Variants in EML4 observed in about 807,000 individuals in gnomAD.
EML4 encodes the protein EMAP like 4.
A neutral mutation model predicts 129.0 loss-of-function variants in EML4; 72 were observed. That is an observed-to-expected ratio of 0.56 (90% CI 0.46 to 0.68). The LOEUF is 0.68. EML4 is among the 30% of genes least tolerant of loss of function. The pLI is 0.00. For synonymous variants in EML4, 532 were observed against 405.0 expected (o/e 1.31, Z -3.77); for missense variants, 1,363 against 1,190.6 (o/e 1.14, Z -2.13).
At chr2:42,184,317 T>G (rs957045606) in intron 1 of EML4, among the ~76,000 whole-genome samples, 8 of 152,032 alleles carry the variant, frequency 5.3e-5, no homozygotes, top group Non-Finnish European at 1.0e-4. Context: ...ATGTGCCATG[T>G]TGGTGTGCTG....
chr2:42,241,396 T>G (rs1478202581), intron 1 of EML4, among the ~76,000 whole-genome samples: 1 of 152,158 alleles, frequency 6.6e-6, no homozygotes, highest in African/African-American at 2.4e-5. Context: ...ATCATCCAAG[T>G]CAGGGAACTT....
Position 42,180,436 on chromosome 2 carries a change from G to C in EML4, c.25+10800G>C, listed in dbSNP as rs539602119. On this transcript the variant is annotated intron_variant, in intron 1 of 22. Transcript: ENST00000318522. Reference sequence around the variant, plus strand: ...AAAATAGGGTGATCTTGCCACTCTGGACTTGCATTCCATTCCAGATGGTCT... The same window carrying C: ...AAAATAGGGTGATCTTGCCACTCTGCACTTGCATTCCATTCCAGATGGTCT... Among the ~76,000 whole-genome samples, 11 of 152,304 alleles carry C rather than the reference G, an allele frequency of 7.2e-5. No homozygotes were observed. The South Asian group carries it at 2.1e-3, about 29-fold the overall frequency.
intron 11 of EML4, among the ~76,000 whole-genome samples, chr2:42,291,397 CCTT>C (rs1243946509): frequency 3.9e-5 from 5 of 129,280 alleles, no homozygotes; most frequent in African/African-American, 5.9e-5. Flanking sequence ...TATCAAGACA[CCTT>C]TTTTTTTTTT....
In EML4 at chr2:42,301,438, AG is replaced by A. The variant is rs777624696; in HGVS notation, c.1641+48del. 43 of 1,432,566 alleles carry A rather than the reference AG, an allele frequency of 3.0e-5. 1 individual carries two copies. Among genetic ancestry groups the A allele is most frequent in the Non-Finnish European group, 3.8e-5 (41 of 1,065,456 alleles). 88.7% of individuals were successfully genotyped at this position (1,432,566 alleles called of 1,614,324 possible). ...TAAAAATATTAAATACTCTAAACTCAGGTATTTTGTCCCACATTAAGATAAC... is the reference window on the plus strand; with the variant it reads ...TAAAAATATTAAATACTCTAAACTCAGTATTTTGTCCCACATTAAGATAAC... On this transcript the variant is annotated intron_variant, in intron 14 of 22. Transcript: ENST00000318522.
chr2:42,225,152 A>G (rs559579108), intron 1 of EML4, among the ~76,000 whole-genome samples: 1 of 152,184 alleles, frequency 6.6e-6, no homozygotes, highest in Middle Eastern at 3.4e-3. Context: ...TTATCCATTC[A>G]TGTGTTTATG....
intron 6 of EML4, among the ~76,000 whole-genome samples, chr2:42,275,990 T>C (rs989020761): frequency 3.3e-5 from 5 of 152,106 alleles, no homozygotes; most frequent in African/African-American, 7.2e-5. Context: ...GAAAGTAGCA[T>C]TGGGATAATA....
At chr2:42,249,586 A>T (rs1270582547) in intron 2 of EML4, among the ~76,000 whole-genome samples, 1 of 152,214 alleles carries the variant, frequency 6.6e-6, no homozygotes, top group African/African-American at 2.4e-5. Flanking sequence ...AATGCTAATG[A>T]TGTGTGTGCT....
chr2:42,233,023 G>A (rs11124863), intron 1 of EML4, among the ~76,000 whole-genome samples: 1 of 151,960 alleles, frequency 6.6e-6, no homozygotes, highest in Non-Finnish European at 1.5e-5. Context: ...TGCCTGGCCT[G>A]TGAAGGCCTT....
At chr2:42,191,185 A>G (rs549829469) in intron 1 of EML4, among the ~76,000 whole-genome samples, 1 of 152,330 alleles carries the variant, frequency 6.6e-6, no homozygotes, top group East Asian at 1.9e-4. Context: ...TTTAATTCTT[A>G]GAATAACCAT....
At position 42,332,099 on chromosome 2, in the gene EML4, C is replaced by T; in HGVS notation, c.*1892C>T. On this transcript the variant is annotated 3_prime_UTR_variant, in exon 23 of 23. Transcript: ENST00000318522. ...TATTACATCATCAGATCAGCATGTGCTATACTCCCTGCAAGAAATATACTG... is the reference window on the plus strand; with the variant it reads ...TATTACATCATCAGATCAGCATGTGTTATACTCCCTGCAAGAAATATACTG... 1 of 221,356 alleles carries T rather than the reference C, an allele frequency of 4.5e-6. No homozygotes were observed. The highest frequency in any genetic ancestry group is 9.0e-6 in the Non-Finnish European group (1 of 110,628). 13.7% of individuals were successfully genotyped at this position (221,356 alleles called of 1,614,324 possible).
chr2:42,205,723 G>C (rs552383985), intron 1 of EML4, among the ~76,000 whole-genome samples: 3 of 152,310 alleles, frequency 2.0e-5, no homozygotes, highest in African/African-American at 7.2e-5. Flanking sequence ...TACTATGTCA[G>C]AATTATTTAG....
chr2:42,294,722 A>G (rs556519757), intron 11 of EML4, among the ~76,000 whole-genome samples: 4 of 152,222 alleles, frequency 2.6e-5, no homozygotes, highest in Admixed American at 6.5e-5. Flanking sequence ...TGTTGCGTGA[A>G]TGAATGCTCC....
Position 42,315,952 on chromosome 2 carries a change from T to G in EML4, c.1968-10T>G, listed in dbSNP as rs749449135. The G allele has an allele frequency of 6.2e-5, 99 of 1,597,758 alleles. No individual in the cohort carries two copies. The highest frequency in any genetic ancestry group is 1.8e-4 in the Admixed American group (10 of 56,898). ...ATCTGAAGAAAATTTTGATTTTTACTTCTTAACAGGTGGTTTGTTCTGGAT... is the reference window on the plus strand; with the variant it reads ...ATCTGAAGAAAATTTTGATTTTTACGTCTTAACAGGTGGTTTGTTCTGGAT... On this transcript the variant is annotated splice_polypyrimidine_tract_variant and intron_variant, in intron 17 of 22. Coordinates refer to ENST00000318522, the MANE Select transcript of EML4 (RefSeq NM_019063.5).
intron 13 of EML4, among the ~76,000 whole-genome samples, chr2:42,298,012 C>G (rs979070528): frequency 2.6e-5 from 4 of 152,100 alleles, no homozygotes; most frequent in African/African-American, 9.7e-5. Context: ...ATTTCCTACA[C>G]ATATGAAATA....
intron 6 of EML4, among the ~76,000 whole-genome samples, chr2:42,273,987 A>G (rs1164167196): frequency 6.6e-6 from 1 of 152,174 alleles, no homozygotes; most frequent in Non-Finnish European, 1.5e-5. Flanking sequence ...TGGATAAAGA[A>G]CCTTTTTAAG....
In EML4 at chr2:42,265,052, A is replaced by AT. The variant is rs1665978454; in HGVS notation, c.667+321_667+322insT. ...TATGCTGCCTGACTTTCTTCCTTAAAAAGGAAATACAGTGATTTGAGCTAG... is the reference window on the plus strand; with the variant it reads ...TATGCTGCCTGACTTTCTTCCTTAAATAAGGAAATACAGTGATTTGAGCTAG... On this transcript the variant is annotated intron_variant, in intron 6 of 22. Transcript: ENST00000318522. 5 of 1,111,192 alleles carry AT rather than the reference A, an allele frequency of 4.5e-6. No individual in the cohort carries two copies. The South Asian group carries it at 7.0e-5, about 16-fold the overall frequency. The allele number at this position is 1,111,192 out of a possible 1,614,324, so 68.8% of individuals were successfully genotyped here. A position where few individuals can be genotyped will look rare whatever the true frequency, so the allele number is the denominator to read the frequency against.
At chr2:42,298,410 T>C (rs1398041703) in intron 13 of EML4, among the ~76,000 whole-genome samples, 1 of 152,172 alleles carries the variant, frequency 6.6e-6, no homozygotes, top group Non-Finnish European at 1.5e-5. Flanking sequence ...TTTTTTTAAT[T>C]CAAGGATAAT....
At chr2:42,325,599 TATTTATA>T (rs1255863346) in intron 20 of EML4, 45 bp downstream of exon 20, 5 of 124,284 alleles carry the variant, frequency 4.0e-5, no homozygotes, top group Non-Finnish European at 8.0e-5. Flanking sequence ...GCTATGATTA[TATTTATA>T]TATATATATA....
At chr2:42,190,473 T>C (rs1237721455) in intron 1 of EML4, among the ~76,000 whole-genome samples, 1 of 152,170 alleles carries the variant, frequency 6.6e-6, no homozygotes, top group Non-Finnish European at 1.5e-5. Flanking sequence ...AACTCCTAGT[T>C]TTTCAGCTTG....
Sources: gnomAD v4.1 joint callset for allele counts (sites outside exome capture counted in the v4.1 genomes callset) on GRCh38, gnomAD v4.1.1 for gene constraint, MANE v1.5 for transcripts, NCBI Gene and HGNC (gene_info 2026-07-23, HGNC 2026-07-21) for gene names.